Variants in SLC17A5 observed in about 807,000 individuals in gnomAD.
The protein encoded by SLC17A5 is solute carrier family 17 member 5.
In SLC17A5, 47 loss-of-function variants were observed where a neutral mutation model predicts 59.4. That is an observed-to-expected ratio of 0.79 (90% CI 0.63 to 1.01). The LOEUF (loss-of-function observed/expected upper bound fraction) is 1.01, where lower values mean the gene tolerates loss of function less well. SLC17A5 is among the 50% of genes least tolerant of loss of function. The probability of loss-of-function intolerance (pLI) is 0.00; values close to 1 mark genes in which losing one functional copy is unlikely to be tolerated. For synonymous variants in SLC17A5, 202 were observed against 210.7 expected, an observed-to-expected ratio of 0.96 and a Z score of 0.36; for missense variants, 522 against 595.5, an observed-to-expected ratio of 0.88 and a Z score of 1.28.
At chr6:73,608,786 C>T (rs10455278) in intron 9 of SLC17A5, among the ~76,000 whole-genome samples, 1,858 of 152,200 alleles carry the variant, frequency 0.012, 15 homozygotes, top group Non-Finnish European at 0.019. Flanking sequence ...GGGGCTGAGG[C>T]GGGAAGATTA....
chr6:73,602,195 A>G (rs1321246671), intron 9 of SLC17A5, among the ~76,000 whole-genome samples: 1 of 150,342 alleles, frequency 6.7e-6, no homozygotes, highest in Non-Finnish European at 1.5e-5. Context: ...TAAATGGATT[A>G]AGGGCGGTGC....
chr6:73,603,573 A>G lies in SLC17A5; in HGVS notation c.1260-3132T>C, dbSNP rs576621667. Among the ~76,000 whole-genome samples the G allele has an allele frequency of 4.4e-3, 661 of 151,524 alleles. 2 individuals are homozygous for G. The highest frequency in any genetic ancestry group is 0.015 in the African/African-American group (604 of 41,282). On this transcript the variant is annotated intron_variant, in intron 9 of 10. Transcript: ENST00000355773. Reference sequence around the variant, plus strand: ...GTAGCTGGGATTACAGGCATGCACCACCATACCTGGGTAATTTTGTATTTT... The same window carrying G: ...GTAGCTGGGATTACAGGCATGCACCGCCATACCTGGGTAATTTTGTATTTT...
At chr6:73,618,259 A>G (rs182536229) in intron 7 of SLC17A5, 97 of 98,422 alleles carry the variant, frequency 9.9e-4, no homozygotes, top group African/African-American at 5.9e-3. Flanking sequence ...AAAATAAAAT[A>G]AAATAAAATA....
chr6:73,653,376 G>A (rs1769960555), intron 1 of SLC17A5: 1 of 985,226 alleles, frequency 1.0e-6, no homozygotes, highest in African/African-American at 1.7e-5. Flanking sequence ...CTTACACCGG[G>A]GTCCTCCGCT....
At chr6:73,612,553 C>T (rs1055203849) in intron 8 of SLC17A5, among the ~76,000 whole-genome samples, 2 of 152,136 alleles carry the variant, frequency 1.3e-5, no homozygotes, top group Non-Finnish European at 2.9e-5. Flanking sequence ...TTGTCTTAGA[C>T]AGTTTTATTT....
chr6:73,653,947 C>T lies in SLC17A5; in HGVS notation c.-61G>A. ...AGAGAAGGGAGCGCCGGCCCGACAG[C>T]CCGAAGCCCCCGGGCCGAGCTGGCT... is the stretch of plus-strand genomic sequence containing the variant. On this transcript the variant is annotated 5_prime_UTR_variant, in exon 1 of 11. Transcript: ENST00000355773. 3 of 1,439,788 alleles carry T rather than the reference C, an allele frequency of 2.1e-6. No individual in the cohort carries two copies. Among genetic ancestry groups the T allele is most frequent in the Non-Finnish European group, 2.9e-6 (3 of 1,048,612 alleles). 89.2% of individuals were successfully genotyped at this position (1,439,788 alleles called of 1,614,324 possible). A position where few individuals can be genotyped will look rare whatever the true frequency, so the allele number is the denominator to read the frequency against.
chr6:73,608,966 A>G (rs1206589947), intron 9 of SLC17A5, among the ~76,000 whole-genome samples: 1 of 152,124 alleles, frequency 6.6e-6, no homozygotes, highest in East Asian at 1.9e-4. Context: ...GCCACAGTGA[A>G]CTACAGTGGC....
chr6:73,650,935 C>T (rs377181602), intron 1 of SLC17A5, among the ~76,000 whole-genome samples: 13 of 152,180 alleles, frequency 8.5e-5, no homozygotes, highest in Admixed American at 4.6e-4. Flanking sequence ...ATAGTCATGA[C>T]GGTAATTAAG....
intron 9 of SLC17A5, among the ~76,000 whole-genome samples, chr6:73,607,775 A>ATTTTT (rs10716332): frequency 2.3e-5 from 3 of 130,460 alleles, no homozygotes; most frequent in East Asian, 2.2e-4. Context: ...GTTCCTTATA[A>ATTTTT]TTTTTTTTTT....
intron 9 of SLC17A5, 139 bp from the exon 10 acceptor site, chr6:73,600,580 C>T: frequency 2.8e-6 from 2 of 708,730 alleles, no homozygotes; most frequent in East Asian, 2.7e-5. Flanking sequence ...ATGATCTCAG[C>T]TCACTGCAGC....
chr6:73,641,398 T>C (rs1769277226), intron 3 of SLC17A5, among the ~76,000 whole-genome samples: 1 of 152,156 alleles, frequency 6.6e-6, no homozygotes, highest in African/African-American at 2.4e-5. Context: ...CATTTATTAA[T>C]GGTTTATTTT....
At chr6:73,615,023 AG>A (rs1767792401) in intron 8 of SLC17A5, among the ~76,000 whole-genome samples, 1 of 152,158 alleles carries the variant, frequency 6.6e-6, no homozygotes, top group African/African-American at 2.4e-5. Flanking sequence ...TATCCGAAGT[AG>A]GGGGGCGATC....
chr6:73,638,590 T>A, intron 3 of SLC17A5, 91 bp from the exon 4 acceptor site: 1 of 1,018,106 alleles, frequency 9.8e-7, no homozygotes, highest in Non-Finnish European at 1.5e-6. Context: ...ACAAAAGCAT[T>A]TTCTGGATAA....
chr6:73,612,707 T>A (rs1767685643), intron 8 of SLC17A5, among the ~76,000 whole-genome samples: 1 of 152,158 alleles, frequency 6.6e-6, no homozygotes, highest in Non-Finnish European at 1.5e-5. Context: ...CTGGAGTAGC[T>A]GGGACTACAG....
At chr6:73,632,445 T>TC (rs2150109932) in intron 6 of SLC17A5, among the ~76,000 whole-genome samples, 1 of 142,378 alleles carries the variant, frequency 7.0e-6, no homozygotes, top group East Asian at 2.0e-4. Flanking sequence ...TTTTTTTTTT[T>TC]TTTTTTTTTT....
intron 6 of SLC17A5, chr6:73,635,118 T>TC (rs1768934642): frequency 4.7e-6 from 1 of 212,352 alleles, no homozygotes; most frequent in African/African-American, 2.3e-5. Context: ...TTTAAATGTT[T>TC]TGTAGAGAAA....
At chr6:73,618,308 T>TAAAATAAAATAAAATA (rs199704254) in intron 7 of SLC17A5, 1 of 192,998 alleles carries the variant, frequency 5.2e-6, no homozygotes, top group East Asian at 1.2e-4. Flanking sequence ...TAAAATAAAA[T>TAAAATAAAATAAAATA]GAGTTTCTGG....
At chr6:73,601,317 G>A (rs1456543941) in intron 9 of SLC17A5, among the ~76,000 whole-genome samples, 2 of 139,812 alleles carry the variant, frequency 1.4e-5, no homozygotes, top group East Asian at 2.2e-4. Context: ...CAGCCGCCCC[G>A]TCTGAGAAGT....
At chr6:73,648,713 C>T (rs923388862) in intron 1 of SLC17A5, among the ~76,000 whole-genome samples, 2 of 152,032 alleles carry the variant, frequency 1.3e-5, no homozygotes, top group Admixed American at 1.3e-4. Flanking sequence ...TAAAAAGGAA[C>T]AAAAGAGGCA....
Sources: allele counts gnomAD v4.1 joint callset (sites outside exome capture counted in the v4.1 genomes callset), GRCh38; gene constraint gnomAD v4.1.1; transcripts MANE v1.5; gene names NCBI Gene and HGNC (gene_info 2026-07-23, HGNC 2026-07-21).